The following ZC3H12B variants were observed in gnomAD, a reference collection of about 807,000 sequenced individuals.
ZC3H12B encodes probable ribonuclease ZC3H12B.
A neutral mutation model predicts 43.9 loss-of-function variants in ZC3H12B; 7 were observed. That is an observed-to-expected ratio of 0.16 (90% CI 0.09 to 0.30). The LOEUF is 0.30. Ranked by LOEUF, ZC3H12B falls within the 10% of genes least tolerant of loss-of-function variation. ZC3H12B has a pLI of 1.00. For synonymous variants in ZC3H12B, 222 were observed against 241.7 expected (o/e 0.92, Z 0.76); for missense variants, 475 against 670.2 (o/e 0.71, Z 3.22).
At chrX:65,153,405 A>G in the ZC3H12B span, among the ~76,000 whole-genome samples, 1 of 112,339 alleles carries the variant, frequency 8.9e-6, no homozygotes, top group Non-Finnish European at 1.9e-5. Flanking sequence ...CAACCCCATC[A>G]AAAAGTGGGC....
the ZC3H12B span, among the ~76,000 whole-genome samples, chrX:65,313,985 T>C: frequency 8.9e-6 from 1 of 112,013 alleles, no homozygotes; most frequent in Non-Finnish European, 1.9e-5. Context: ...TTTTGAAAGA[T>C]GAGAATCTTA....
chrX:65,261,655 T>A, the ZC3H12B span, among the ~76,000 whole-genome samples: 3 of 110,488 alleles, frequency 2.7e-5, no homozygotes, highest in Non-Finnish European at 5.7e-5. Flanking sequence ...ACCTATCACA[T>A]CAAACCCATA....
chrX:65,142,417 G>A, the ZC3H12B span, among the ~76,000 whole-genome samples: 2 of 112,214 alleles, frequency 1.8e-5, no homozygotes, highest in African/African-American at 3.2e-5. Context: ...TTTGTCAGAT[G>A]TATGGATTGT....
At chrX:65,182,094 C>A in the ZC3H12B span, among the ~76,000 whole-genome samples, 4 of 111,594 alleles carry the variant, frequency 3.6e-5, no homozygotes, top group Non-Finnish European at 5.6e-5. Flanking sequence ...GAGTTCATGT[C>A]TTTTGCCTGG....
chrX:65,451,435 G>A (rs1008655049), intron 3 of ZC3H12B, among the ~76,000 whole-genome samples: 3 of 111,136 alleles, frequency 2.7e-5, no homozygotes, highest in African/African-American at 9.8e-5. Flanking sequence ...AGTGTCTAGA[G>A]ATTTATATTG....
At chrX:65,188,552 T>A in the ZC3H12B span, among the ~76,000 whole-genome samples, 3 of 110,964 alleles carry the variant, frequency 2.7e-5, no homozygotes, top group Admixed American at 9.6e-5. Flanking sequence ...TGGATTTGCA[T>A]TTCTTTGATG....
At chrX:65,222,328 C>G in the ZC3H12B span, among the ~76,000 whole-genome samples, 1 of 110,513 alleles carries the variant, frequency 9.0e-6, no homozygotes, top group Admixed American at 9.7e-5. Context: ...CTATTCAACA[C>G]AGTAGTAGAA....
At chrX:65,120,828 T>C in the ZC3H12B span, among the ~76,000 whole-genome samples, 1 of 111,789 alleles carries the variant, frequency 8.9e-6, no homozygotes, top group East Asian at 2.8e-4. Flanking sequence ...GTCTCATCAA[T>C]ACCAAATTTA....
intron 3 of ZC3H12B, among the ~76,000 whole-genome samples, chrX:65,447,756 A>C (rs775478196): frequency 8.9e-6 from 1 of 111,775 alleles, no homozygotes; most frequent in Non-Finnish European, 1.9e-5. Context: ...AAATAATAAT[A>C]ATTCCATCAA....
At chrX:65,479,624 T>C (rs1052652399) in intron 3 of ZC3H12B, among the ~76,000 whole-genome samples, 1 of 111,714 alleles carries the variant, frequency 9.0e-6, no homozygotes. Flanking sequence ...CGCCTCGGCC[T>C]CCCAATATGC....
the ZC3H12B span, among the ~76,000 whole-genome samples, chrX:65,218,916 C>T: frequency 1.8e-5 from 2 of 112,006 alleles, no homozygotes; most frequent in Admixed American, 1.9e-4. Flanking sequence ...TCACAGAGTC[C>T]ACTTCACTCC....
chrX:65,329,295 G>A, the ZC3H12B span, among the ~76,000 whole-genome samples: 3 of 111,240 alleles, frequency 2.7e-5, no homozygotes, highest in East Asian at 8.4e-4. Context: ...TTCTCTGATG[G>A]CCAGTGATGA....
At chrX:65,102,615 A>T in the ZC3H12B span, among the ~76,000 whole-genome samples, 2 of 112,149 alleles carry the variant, frequency 1.8e-5, no homozygotes, top group Non-Finnish European at 3.8e-5. Flanking sequence ...GAGCTAAATC[A>T]TGAGTGAACT....
At chrX:65,405,480 C>T (rs1183215920) in intron 3 of ZC3H12B, among the ~76,000 whole-genome samples, 1 of 110,724 alleles carries the variant, frequency 9.0e-6, no homozygotes, top group Non-Finnish European at 1.9e-5. Context: ...ATTAGCCAGG[C>T]GTGGTGACAG....
chrX:65,216,858 A>C, the ZC3H12B span, among the ~76,000 whole-genome samples: 1 of 112,029 alleles, frequency 8.9e-6, no homozygotes, highest in African/African-American at 3.2e-5. Flanking sequence ...AGGCCATAAG[A>C]GAATATGTTG....
intron 3 of ZC3H12B, among the ~76,000 whole-genome samples, chrX:65,398,943 T>C (rs368046581): frequency 3.6e-5 from 4 of 111,828 alleles, no homozygotes; most frequent in South Asian, 3.7e-4. Context: ...GTCTCTTCAG[T>C]AAGTGGTGTT....
chrX:65,132,086 G>A, the ZC3H12B span, among the ~76,000 whole-genome samples: 2 of 111,537 alleles, frequency 1.8e-5, no homozygotes, highest in Non-Finnish European at 3.8e-5. Flanking sequence ...TAAAAGCAAA[G>A]AGAGGCTGGG....
chrX:65,154,442 C>A, the ZC3H12B span, among the ~76,000 whole-genome samples: 12 of 111,664 alleles, frequency 1.1e-4, no homozygotes, highest in African/African-American at 3.9e-4. Context: ...CATCTTGTTA[C>A]AAAATAACTT....
the ZC3H12B span, among the ~76,000 whole-genome samples, chrX:65,282,149 A>G: frequency 1.8e-5 from 2 of 111,446 alleles, no homozygotes; most frequent in East Asian, 5.6e-4. Context: ...TATACTCAGT[A>G]CTTAGAAAGC....
Sources: allele counts gnomAD v4.1 joint callset (sites outside exome capture counted in the v4.1 genomes callset), GRCh38; gene constraint gnomAD v4.1.1; transcripts MANE v1.5; gene names NCBI Gene and HGNC (gene_info 2026-07-23, HGNC 2026-07-21).